The following EXOC6 variants were observed in gnomAD, a reference collection of about 807,000 sequenced individuals.
EXOC6 encodes the protein exocyst complex component 6.
In EXOC6, 60 loss-of-function variants were observed where a neutral mutation model predicts 112.5. The ratio of observed to expected loss-of-function variants is 0.53; its 90% confidence interval spans 0.43 to 0.66. The LOEUF (loss-of-function observed/expected upper bound fraction) is 0.66, where lower values mean the gene tolerates loss of function less well. Ranked by LOEUF, EXOC6 falls within the 30% of genes least tolerant of loss-of-function variation. EXOC6 has a pLI of 0.00. For missense variants in EXOC6, 855 were observed against 957.1 expected (o/e 0.89, Z 1.41); for synonymous variants, 295 against 308.0 (o/e 0.96, Z 0.44).
chr10:92,977,303 C>A (rs1446651321), intron 18 of EXOC6, among the ~76,000 whole-genome samples: 1 of 151,952 alleles, frequency 6.6e-6, no homozygotes, highest in East Asian at 1.9e-4. Context: ...ATCCTTTACT[C>A]TTTCTCCATC....
At chr10:92,890,626 A>T (rs1589771690) in intron 1 of EXOC6, among the ~76,000 whole-genome samples, 1 of 152,236 alleles carries the variant, frequency 6.6e-6, no homozygotes, top group African/African-American at 2.4e-5. Context: ...AGATTAAAAA[A>T]TAAAGCAGGG....
At chr10:92,917,418 T>C (rs1851153214) in intron 7 of EXOC6, among the ~76,000 whole-genome samples, 1 of 118,922 alleles carries the variant, frequency 8.4e-6, no homozygotes, top group African/African-American at 3.9e-5. Flanking sequence ...ATGATTAGTC[T>C]TTTAATGGAA....
At chr10:92,847,443 T>C (rs1037047933), upstream of EXOC6, among the ~76,000 whole-genome samples, 2 of 152,056 alleles carry the variant, frequency 1.3e-5, no homozygotes, top group African/African-American at 4.8e-5. Context: ...AGGCTGGAGG[T>C]AGGTTTCAAG....
At chr10:93,037,181 C>T (rs1316755550) in intron 20 of EXOC6, among the ~76,000 whole-genome samples, 8 of 145,184 alleles carry the variant, frequency 5.5e-5, no homozygotes, top group African/African-American at 1.5e-4. Flanking sequence ...GTTTCTCTGT[C>T]GCCCAGGCTG....
intron 20 of EXOC6, among the ~76,000 whole-genome samples, chr10:93,031,776 G>A (rs938497103): frequency 7.2e-5 from 11 of 152,100 alleles, no homozygotes; most frequent in African/African-American, 2.7e-4. Context: ...GCCTACCAAA[G>A]TGCTGGGATT....
At chr10:92,945,184 C>G (rs1320091984) in intron 13 of EXOC6, among the ~76,000 whole-genome samples, 3 of 152,262 alleles carry the variant, frequency 2.0e-5, no homozygotes. Flanking sequence ...TGATAAATAT[C>G]TATTCAGGTC....
intron 20 of EXOC6, among the ~76,000 whole-genome samples, chr10:93,040,658 C>G (rs1845723656): frequency 6.6e-6 from 1 of 152,202 alleles, no homozygotes; most frequent in African/African-American, 2.4e-5. Flanking sequence ...TTTCACATCT[C>G]TCATTCATTT....
Position 92,909,485 on chromosome 10 carries a change from A to G in EXOC6, c.517A>G (p.Ser173Gly), listed in dbSNP as rs1369834173. 1.2e-6 allele frequency: 2 copies of G among 1,613,684 alleles called. No homozygotes were observed. Among genetic ancestry groups the G allele is most frequent in the Admixed American group, 1.7e-5 (1 of 60,010 alleles). ...QLENVYFPWVSQYRFCQLMIE... is the reference protein window; with the variant it reads ...QLENVYFPWVGQYRFCQLMIE... ...AGAGAATGTGTACTTTCCCTGGGTT[A>G]GTCAATACCGGTTTTGTCAGCTCAT... is the stretch of plus-strand genomic sequence containing the variant. Residue 173 changes from serine to glycine, a missense_variant, in exon 6 of 22, where the codon AGT becomes GGT. Transcript: ENST00000260762.
intron 1 of EXOC6, among the ~76,000 whole-genome samples, chr10:92,879,907 T>C (rs533613039): frequency 1.3e-5 from 2 of 152,236 alleles, no homozygotes; most frequent in Admixed American, 6.5e-5. Flanking sequence ...TTGTGCTGTT[T>C]ATGATTCTGT....
chr10:92,912,932 A>C (rs1206502935), intron 6 of EXOC6, among the ~76,000 whole-genome samples: 3 of 152,148 alleles, frequency 2.0e-5, no homozygotes, highest in Non-Finnish European at 4.4e-5. Flanking sequence ...CAGAGCTATG[A>C]ACATCTGCTT....
At chr10:92,950,215 G>A (rs181571111) in intron 14 of EXOC6, among the ~76,000 whole-genome samples, 43 of 152,146 alleles carry the variant, frequency 2.8e-4, no homozygotes, top group African/African-American at 1.0e-3. Context: ...TCTTTTGGTT[G>A]TGTGTGTATA....
At chr10:92,890,405 CATTT>C (rs3078235) in intron 1 of EXOC6, among the ~76,000 whole-genome samples, 57,866 of 151,594 alleles carry the variant, frequency 0.38, 11,278 homozygotes, top group Middle Eastern at 0.49. Flanking sequence ...TTAATTCATG[CATTT>C]ATTAATGAAT....
intron 17 of EXOC6, among the ~76,000 whole-genome samples, chr10:92,957,343 G>A (rs114620142): frequency 4.6e-5 from 7 of 152,138 alleles, no homozygotes; most frequent in African/African-American, 7.2e-5. Context: ...GTGTTTCTAG[G>A]GATCTTCAAG....
intron 20 of EXOC6, among the ~76,000 whole-genome samples, chr10:93,047,318 C>G (rs2486683): frequency 0.13 from 19,666 of 151,714 alleles, 1,421 homozygotes; most frequent in African/African-American, 0.18. Context: ...AGGTGGATCA[C>G]TTGAGCCCCG....
chr10:92,981,407 A>G (rs1171271859), intron 18 of EXOC6, among the ~76,000 whole-genome samples: 2 of 152,212 alleles, frequency 1.3e-5, no homozygotes, highest in African/African-American at 2.4e-5. Context: ...ACTCATTTTA[A>G]TGAAGGTAGT....
intron 17 of EXOC6, among the ~76,000 whole-genome samples, chr10:92,969,277 C>T (rs1439972197): frequency 1.3e-5 from 2 of 152,106 alleles, no homozygotes; most frequent in Admixed American, 6.5e-5. Context: ...AGCCAAGCAA[C>T]ATGGAAAGGC....
chr10:92,925,289 A>G (rs1851653587), intron 8 of EXOC6, among the ~76,000 whole-genome samples: 1 of 151,890 alleles, frequency 6.6e-6, no homozygotes, highest in Non-Finnish European at 1.5e-5. Flanking sequence ...TGCTTTTTGT[A>G]ATTCCATAAA....
chr10:92,861,377 C>T (rs983538304), intron 1 of EXOC6, among the ~76,000 whole-genome samples: 22 of 152,134 alleles, frequency 1.4e-4, no homozygotes, highest in African/African-American at 5.3e-4. Flanking sequence ...GAGCCTCTCT[C>T]GTATGAGCAG....
At chr10:92,844,772 C>T (rs931976497), upstream of EXOC6, among the ~76,000 whole-genome samples, 2 of 152,114 alleles carry the variant, frequency 1.3e-5, no homozygotes, top group Admixed American at 6.5e-5. Flanking sequence ...TTAATCCTCA[C>T]ATAATTTGGT....
Sources: allele counts gnomAD v4.1 joint callset (sites outside exome capture counted in the v4.1 genomes callset), GRCh38; gene constraint gnomAD v4.1.1; transcripts MANE v1.5; gene names NCBI Gene and HGNC (gene_info 2026-07-23, HGNC 2026-07-21).